The following N4BP2 variants were observed in gnomAD, a reference collection of about 807,000 sequenced individuals.
N4BP2 encodes NEDD4-binding protein 2.
In N4BP2, 91 loss-of-function variants were observed where a neutral mutation model predicts 152.8. That is an observed-to-expected ratio of 0.60 (90% CI 0.50 to 0.71). N4BP2 has a LOEUF of 0.71. Ranked by LOEUF, N4BP2 falls within the 30% of genes least tolerant of loss-of-function variation. The probability of loss-of-function intolerance (pLI) is 0.00; values close to 1 mark genes in which losing one functional copy is unlikely to be tolerated. For synonymous variants in N4BP2, 646 were observed against 705.3 expected (o/e 0.92, Z 1.33); for missense variants, 1,923 against 2,059.1 (o/e 0.93, Z 1.28).
rs1429522038 is a variant in N4BP2 at position 40,154,438 on chromosome 4, GAT to G, written c.*204_*205del. 2.2e-6 allele frequency: 1 copy of G among 447,780 alleles called. No individual in the cohort carries two copies. Among genetic ancestry groups the G allele is most frequent in the African/African-American group, 2.1e-5 (1 of 48,360 alleles). The allele number at this position is 447,780 out of a possible 1,614,324, so 27.7% of individuals were successfully genotyped here. ...TCAAATGCAAATGTTACCTGTTAAAGATATTACAGAGAAATTTTATTGATTAC... is the reference window on the plus strand; with the variant it reads ...TCAAATGCAAATGTTACCTGTTAAAGATTACAGAGAAATTTTATTGATTAC... On this transcript the variant is annotated 3_prime_UTR_variant, in exon 18 of 18. Transcript: ENST00000261435.
downstream of N4BP2, among the ~76,000 whole-genome samples, chr4:40,159,534 T>G (rs777177230): frequency 5.2e-4 from 79 of 152,124 alleles, no homozygotes; most frequent in Non-Finnish European, 9.0e-4. Context: ...TGTATTCTGC[T>G]GGAGGAAAGA....
chr4:40,122,137 A>G lies in N4BP2; in HGVS notation c.4026A>G (p.Leu1342=), dbSNP rs780167016. Residue 1342 remains leucine, a synonymous_variant, in exon 9 of 18, where the codon CTA becomes CTG. Transcript: ENST00000261435. ...ATGAGAAGGAAATGAAGGAAATTCT[A>G]ATGGCAGGAAGTAGTTTATCAGCTG... ...NEDEKEMKEI[L]MAGSSLSAGV... 4 of 1,607,418 alleles carry G rather than the reference A, an allele frequency of 2.5e-6. No individual in the cohort carries two copies. The highest frequency in any genetic ancestry group is 3.4e-6 in the Non-Finnish European group (4 of 1,176,362).
chr4:40,087,816 G>A (rs1204514382), intron 2 of N4BP2, among the ~76,000 whole-genome samples: 2 of 151,564 alleles, frequency 1.3e-5, no homozygotes, highest in African/African-American at 2.4e-5. Context: ...GCTCGATCTC[G>A]GCTTACTGCA....
At chr4:40,098,697 G>A (rs1233619911) in intron 3 of N4BP2, among the ~76,000 whole-genome samples, 3 of 152,188 alleles carry the variant, frequency 2.0e-5, no homozygotes, top group Non-Finnish European at 2.9e-5. Context: ...ATTGAGTTTT[G>A]TAAGTTACTT....
At chr4:40,107,091 T>A in intron 5 of N4BP2, 67 bp downstream of exon 5, 1 of 1,541,276 alleles carries the variant, frequency 6.5e-7, no homozygotes, top group Non-Finnish European at 8.9e-7. Context: ...CACTTAGTAT[T>A]TGTTTGTGTG....
chr4:40,150,418 G>A (rs190929051), intron 16 of N4BP2, among the ~76,000 whole-genome samples: 16 of 152,316 alleles, frequency 1.1e-4, no homozygotes, highest in Admixed American at 1.0e-3. Context: ...TGTAATTCCA[G>A]CACTTTGGAA....
At chr4:40,188,405 C>G in the N4BP2 span, among the ~76,000 whole-genome samples, 1 of 152,122 alleles carries the variant, frequency 6.6e-6, no homozygotes, top group African/African-American at 2.4e-5. Flanking sequence ...AACAGTGGTA[C>G]CTACCTCATA....
chr4:40,151,057 G>C (rs1275357669), intron 16 of N4BP2, among the ~76,000 whole-genome samples: 4 of 152,166 alleles, frequency 2.6e-5, no homozygotes, highest in Non-Finnish European at 5.9e-5. Context: ...AGCAAGAACA[G>C]CCTGTATTTG....
chr4:40,086,846 G>GAAA (rs1053905608), intron 2 of N4BP2, among the ~76,000 whole-genome samples: 15 of 151,942 alleles, frequency 9.9e-5, no homozygotes, highest in Admixed American at 3.9e-4. Context: ...CTCCTGGGCT[G>GAAA]AAGTGATCCT....
chr4:40,085,959 T>A (rs2109928841), intron 2 of N4BP2, among the ~76,000 whole-genome samples: 1 of 151,656 alleles, frequency 6.6e-6, no homozygotes, highest in East Asian at 2.0e-4. Context: ...CCAGGAGTCT[T>A]TTTTTTGTTT....
At chr4:40,086,538 G>T (rs560145079) in intron 2 of N4BP2, among the ~76,000 whole-genome samples, 5 of 151,538 alleles carry the variant, frequency 3.3e-5, no homozygotes, top group Non-Finnish European at 7.4e-5. Context: ...AGGTTTCACC[G>T]TGTTGGTCAG....
rs2136565 is a variant in N4BP2, at chr4:40,146,921, T to A, written c.5143+2121T>A. Among the ~76,000 whole-genome samples, 1,433 of 150,710 alleles carry A rather than the reference T, an allele frequency of 9.5e-3. 24 individuals carry two copies. Among genetic ancestry groups the A allele is most frequent in the African/African-American group, 0.033 (1,331 of 40,832 alleles). On this transcript the variant is annotated intron_variant, in intron 16 of 17. Transcript: ENST00000261435. ...GGTAATGTTTTTATTTTTATTTTTTTATTTTTTTTATTGATCATTCTTGGG... is the reference window on the plus strand; with the variant it reads ...GGTAATGTTTTTATTTTTATTTTTTAATTTTTTTTATTGATCATTCTTGGG...
chr4:40,144,446 T>C (rs1326062026), intron 15 of N4BP2, among the ~76,000 whole-genome samples, 186 bp from the exon 16 acceptor site: 1 of 152,252 alleles, frequency 6.6e-6, no homozygotes, highest in Non-Finnish European at 1.5e-5. Flanking sequence ...AGGACTACAT[T>C]ATTAAGTCAC....
chr4:40,120,500 A>C lies in N4BP2; in HGVS notation c.2389A>C (p.Ile797Leu), dbSNP rs763026448. The change falls in exon 9 of 18, where the codon ATT (isoleucine) becomes CTT (leucine). Residue 797 changes from isoleucine to leucine, a missense_variant. Transcript: ENST00000261435. ...TGGTGACTGGCCAGTTGATAAGACT[A>C]TTGGTCAGAGGACAAAAAGGAACAG... ...FVGDWPVDKTIGQRTKRNRKT... is the reference protein window; with the variant it reads ...FVGDWPVDKTLGQRTKRNRKT... The C allele has an allele frequency of 2.5e-6, 4 of 1,613,722 alleles. No homozygotes were observed. The highest frequency in any genetic ancestry group is 3.4e-6 in the Non-Finnish European group (4 of 1,179,936).
intron 1 of N4BP2, among the ~76,000 whole-genome samples, chr4:40,065,407 A>C (rs148185596): frequency 8.0e-4 from 122 of 152,340 alleles, no homozygotes; most frequent in African/African-American, 2.8e-3. Context: ...CATTGAAGCC[A>C]TGGGTTTGAA....
chr4:40,145,758 A>G (rs564642350), intron 16 of N4BP2, among the ~76,000 whole-genome samples: 48 of 152,332 alleles, frequency 3.2e-4, no homozygotes, highest in African/African-American at 1.1e-3. Flanking sequence ...GGTGAAAAAG[A>G]CACACAATCC....
At chr4:40,090,589 G>C (rs1714431376) in intron 2 of N4BP2, among the ~76,000 whole-genome samples, 1 of 152,056 alleles carries the variant, frequency 6.6e-6, no homozygotes, top group Non-Finnish European at 1.5e-5. Flanking sequence ...ACGTCATTCT[G>C]TTATAATGTT....
At chr4:40,069,162 G>T (rs1429441413) in intron 1 of N4BP2, among the ~76,000 whole-genome samples, 1 of 151,768 alleles carries the variant, frequency 6.6e-6, no homozygotes, top group African/African-American at 2.4e-5. Context: ...TCCCAGCCGG[G>T]CACAGTGACT....
rs202029831 is a variant in N4BP2 at position 40,102,668 on chromosome 4, G to A, written c.823G>A (p.Val275Ile). 1.4e-4 allele frequency: 222 copies of A among 1,614,162 alleles called. No homozygotes were observed. Among genetic ancestry groups the A allele is most frequent in the Non-Finnish European group, 1.7e-4 (203 of 1,180,040 alleles). Residue 275 changes from valine (V) to isoleucine (I), a missense_variant, in exon 4 of 18, where the codon GTT becomes ATT. Physicochemically the swap from Val to Ile is conservative, Grantham distance 29. Transcript: ENST00000261435. ...GAAAGAACTTTTAGAATCTGAGTGC[G>A]TTGAGGCTCAATTCTCTGAAGCTCC... Reference protein sequence around the residue: ...KQKELLESECVEAQFSEAPVD... With the variant: ...KQKELLESECIEAQFSEAPVD...
Sources: gnomAD v4.1 joint callset for allele counts (sites outside exome capture counted in the v4.1 genomes callset) on GRCh38, gnomAD v4.1.1 for gene constraint, MANE v1.5 for transcripts, NCBI Gene and HGNC (gene_info 2026-07-23, HGNC 2026-07-21) for gene names.